The following VPS33A variants were observed in gnomAD, a reference collection of about 807,000 sequenced individuals.
The protein encoded by VPS33A is VPS33A core subunit of CORVET and HOPS complexes.
Under a neutral mutation model 71.8 loss-of-function variants are expected in VPS33A, and 32 were observed. The ratio of observed to expected loss-of-function variants is 0.45; its 90% CI spans 0.34 to 0.60. VPS33A has a LOEUF of 0.60. VPS33A is among the 20% of genes least tolerant of loss of function. The pLI is 0.02. For synonymous variants in VPS33A, 311 were observed against 292.7 expected (o/e 1.06, Z -0.64); for missense variants, 625 against 748.5 (o/e 0.84, Z 1.92).
intron 6 of VPS33A, chr12:122,248,227 A>G (rs1954801420): frequency 6.6e-6 from 1 of 152,330 alleles, no homozygotes; most frequent in Non-Finnish European, 1.5e-5. Flanking sequence ...TTTCTTACAC[A>G]TCCCTCTCCT....
intron 9 of VPS33A, among the ~76,000 whole-genome samples, chr12:122,239,458 G>A (rs924516813): frequency 2.0e-5 from 3 of 152,092 alleles, no homozygotes; most frequent in African/African-American, 4.8e-5. Context: ...TTAAGTGGCC[G>A]GGCGCAGTGA....
chr12:122,256,967 A>G (rs1954927359), intron 4 of VPS33A, among the ~76,000 whole-genome samples: 1 of 152,188 alleles, frequency 6.6e-6, no homozygotes, highest in Non-Finnish European at 1.5e-5. Flanking sequence ...TATTAAGAGA[A>G]TAACGCAACA....
intron 7 of VPS33A, 54 bp downstream of exon 7, chr12:122,244,515 T>TG: frequency 6.8e-7 from 1 of 1,471,440 alleles, no homozygotes; most frequent in Non-Finnish European, 9.2e-7. Flanking sequence ...CCCTCAGGGG[T>TG]GGGCATCTAC....
chr12:122,237,967 G>A (rs1954652769), intron 10 of VPS33A, among the ~76,000 whole-genome samples: 1 of 151,342 alleles, frequency 6.6e-6, no homozygotes, highest in Admixed American at 6.6e-5. Context: ...TATTTTTTTT[G>A]TAGAGACAGG....
intron 4 of VPS33A, among the ~76,000 whole-genome samples, chr12:122,257,970 C>T (rs1410473587): frequency 6.6e-6 from 1 of 152,100 alleles, no homozygotes; most frequent in Non-Finnish European, 1.5e-5. Flanking sequence ...GAGGAAAATA[C>T]AGTCTTTTCA....
At chr12:122,263,472 T>C (rs1592934336) in intron 3 of VPS33A, 100 bp downstream of exon 3, 2 of 1,402,728 alleles carry the variant, frequency 1.4e-6, no homozygotes, top group East Asian at 4.7e-5. Flanking sequence ...AAGACCACCT[T>C]GCACTGGCAA....
Position 122,261,314 on chromosome 12 carries a change from G to A in VPS33A, c.430C>T (p.Leu144Phe), listed in dbSNP as rs766589793. 1 of 1,613,854 alleles carries A rather than the reference G, an allele frequency of 6.2e-7. No homozygotes were observed. Among genetic ancestry groups the A allele is most frequent in the Non-Finnish European group, 8.5e-7 (1 of 1,179,944 alleles). ...AAGAGATCCCCATCGAATGGAATGA[G>A]ATCTAAGCTGTACTCCTCCCTGTGA... ...FIHREEYSLDLIPFDGDLLSM... is the reference protein window; with the variant it reads ...FIHREEYSLDFIPFDGDLLSM... The change falls in exon 4 of 13, where the codon CTC becomes TTC. Residue 144 changes from leucine (L) to phenylalanine (F), a missense_variant. By Grantham distance (22) the Leu-to-Phe change is conservative (BLOSUM62 0). Transcript: ENST00000267199.
chr12:122,265,344 A>G (rs1319254981), intron 1 of VPS33A, among the ~76,000 whole-genome samples: 1 of 152,138 alleles, frequency 6.6e-6, no homozygotes, highest in Non-Finnish European at 1.5e-5. Context: ...TGACACCATG[A>G]GTCATTGCTT....
At chr12:122,241,994 G>A (rs966533693) in intron 8 of VPS33A, among the ~76,000 whole-genome samples, 3 of 151,952 alleles carry the variant, frequency 2.0e-5, no homozygotes, top group Non-Finnish European at 4.4e-5. Context: ...TGCAACCTCC[G>A]CCTTCCAGGT....
At chr12:122,253,163 C>T (rs575628108) in intron 4 of VPS33A, 3 of 152,262 alleles carry the variant, frequency 2.0e-5, no homozygotes, top group East Asian at 3.9e-4. Context: ...TATATTTTAA[C>T]GTTTCCCTGA....
chr12:122,242,859 T>C (rs1012063347), intron 7 of VPS33A, among the ~76,000 whole-genome samples: 1 of 152,124 alleles, frequency 6.6e-6, no homozygotes, highest in Admixed American at 6.5e-5. Flanking sequence ...TGGCCGATAT[T>C]TTAAGTGCTT....
intron 11 of VPS33A, among the ~76,000 whole-genome samples, chr12:122,233,446 G>A (rs909484739): frequency 6.6e-6 from 1 of 152,088 alleles, no homozygotes; most frequent in African/African-American, 2.4e-5. Context: ...GGCTGGTCTT[G>A]AATTTCTGAC....
In VPS33A at chr12:122,232,986, A is replaced by T. The variant is rs755925633; in HGVS notation, c.1441-18T>A. ...GTGGGGTTCTGTGAGATAATTAAAGAACAAAAACCCTATAGATACAGAGAC... is the reference window on the plus strand; with the variant it reads ...GTGGGGTTCTGTGAGATAATTAAAGTACAAAAACCCTATAGATACAGAGAC... On this transcript the variant is annotated intron_variant, in intron 11 of 12. Transcript: ENST00000267199. 2.5e-6 allele frequency: 4 copies of T among 1,576,332 alleles called. No individual in the cohort carries two copies. The highest frequency in any genetic ancestry group is 3.5e-6 in the Non-Finnish European group (4 of 1,158,062).
chr12:122,243,764 C>CA (rs1056700205), intron 7 of VPS33A, among the ~76,000 whole-genome samples: 2 of 151,904 alleles, frequency 1.3e-5, no homozygotes, highest in African/African-American at 4.8e-5. Flanking sequence ...AAAAAAACAA[C>CA]AAAAAACTCT....
chr12:122,245,448 T>G (rs868254186), intron 6 of VPS33A, among the ~76,000 whole-genome samples: 18 of 151,784 alleles, frequency 1.2e-4, no homozygotes, highest in Middle Eastern at 3.4e-3. Context: ...GTTCTGTTTT[T>G]TTTTTTTTTT....
chr12:122,238,728 GA>G lies in VPS33A; in HGVS notation c.1165-5del. ...AATCCTCAATGTAATTGTTGACCTG[GA>G]AATAAAGTAGCATACATATACATAT... On this transcript the variant is annotated splice_polypyrimidine_tract_variant and splice_region_variant and intron_variant, in intron 9 of 12. Coordinates refer to ENST00000267199, the MANE Select transcript of VPS33A (RefSeq NM_022916.6). 6.2e-7 allele frequency: 1 copy of G among 1,606,402 alleles called. No individual in the cohort carries two copies. Among genetic ancestry groups the G allele is most frequent in the Non-Finnish European group, 8.5e-7 (1 of 1,176,484 alleles).
rs1955043424 is a variant in VPS33A at position 122,264,652 on chromosome 12, A to G, written c.103-453T>C. 2 of 152,390 alleles carry G rather than the reference A, an allele frequency of 1.3e-5. 1 individual carries two copies. Among genetic ancestry groups the G allele is most frequent in the Admixed American group, 1.3e-4 (2 of 15,272 alleles). 9.4% of individuals were successfully genotyped at this position (152,390 alleles called of 1,614,324 possible). A position where few individuals can be genotyped will look rare whatever the true frequency, so the allele number is the denominator to read the frequency against. On this transcript the variant is annotated intron_variant, in intron 1 of 12. Transcript: ENST00000267199. ...GTGATCCACCCGCCTCGTTCTTCCAAAGTGGTGGGATTACAAGCATGAGCC... is the reference window on the plus strand; with the variant it reads ...GTGATCCACCCGCCTCGTTCTTCCAGAGTGGTGGGATTACAAGCATGAGCC...
intron 10 of VPS33A, among the ~76,000 whole-genome samples, chr12:122,238,048 A>G (rs1261014546): frequency 1.3e-5 from 2 of 151,866 alleles, no homozygotes; most frequent in Non-Finnish European, 2.9e-5. Context: ...AAATATTGAG[A>G]TAACAGAGGT....
rs145788431 is a variant in VPS33A at position 122,246,235 on chromosome 12, C to T, written c.776-1473G>A. On this transcript the variant is annotated intron_variant, in intron 6 of 12. Coordinates refer to ENST00000267199, the MANE Select transcript of VPS33A (RefSeq NM_022916.6). ...GTAGGCTGGGCACAGTGGCTCACGC[C>T]TGTAATCCCAGCACTTTGAGAGGCT... Among the ~76,000 whole-genome samples, 518 of 152,330 alleles carry T rather than the reference C, an allele frequency of 3.4e-3. 2 individuals carry two copies. Among genetic ancestry groups the T allele is most frequent in the African/African-American group, 0.012 (488 of 41,576 alleles).
Sources: allele counts gnomAD v4.1 joint callset (sites outside exome capture counted in the v4.1 genomes callset), GRCh38; gene constraint gnomAD v4.1.1; transcripts MANE v1.5; gene names NCBI Gene and HGNC (gene_info 2026-07-23, HGNC 2026-07-21).